Variants in SBNO2 observed in about 807,000 individuals in gnomAD.
SBNO2 encodes protein strawberry notch homolog 2.
In SBNO2, 89 loss-of-function variants were observed where a neutral mutation model predicts 146.3. The ratio of observed to expected loss-of-function variants is 0.61; its 90% CI spans 0.51 to 0.73. The LOEUF is 0.73. Among genes scored for constraint, SBNO2 ranks in the 30% least tolerant of loss-of-function variants. The pLI, the probability that SBNO2 is intolerant of heterozygous loss-of-function variation, is 0.00. For missense variants in SBNO2, 2,092 were observed against 2,003.7 expected (o/e 1.04, Z -0.84); for synonymous variants, 1,147 against 892.6 (o/e 1.29, Z -5.08).
chr19:1,125,754 A>G (rs2079958275), intron 5 of SBNO2, among the ~76,000 whole-genome samples: 1 of 152,114 alleles, frequency 6.6e-6, no homozygotes, highest in South Asian at 2.1e-4. Flanking sequence ...TGTGGGAGGC[A>G]GAGGCAGAAC....
rs2080127769 is a variant in SBNO2, at chr19:1,140,744, G to C, written c.279+6565C>G. ...CCCGCAGGCAGCTCCCACGGGCAGAGGCTGCTGACCCCGCCTTGGGCAGGA... is the reference window on the plus strand; with the variant it reads ...CCCGCAGGCAGCTCCCACGGGCAGACGCTGCTGACCCCGCCTTGGGCAGGA... On this transcript the variant is annotated intron_variant, in intron 4 of 31. Coordinates refer to ENST00000361757, the MANE Select transcript of SBNO2 (RefSeq NM_014963.3). This position sits in a 1 kb window ranked among gnomAD's most constrained non-coding sequence, Gnocchi z 4.4. Among the ~76,000 whole-genome samples the C allele has an allele frequency of 6.6e-6, 1 of 152,322 alleles. No individual in the cohort carries two copies.
rs753476181 is a variant in SBNO2, at chr19:1,110,791, G to A, written c.2982C>T (p.Leu994=). ...TGCCCTCCCGCTTGTCCATCTCGAT[G>A]AGGTGGTCGAAGGTGTCTGAGAAGT... ...FQYFSDTFDH[L]IEMDKREGKY... The change falls in exon 26 of 32, where the codon CTC becomes CTT. Residue 994 remains leucine (L), a synonymous_variant. Transcript: ENST00000361757. This position sits in a 1 kb window ranked among gnomAD's most constrained non-coding sequence, Gnocchi z 4.9. 6.2e-7 allele frequency: 1 copy of A among 1,613,666 alleles called. No homozygotes were observed. Among genetic ancestry groups the A allele is most frequent in the Non-Finnish European group, 8.5e-7 (1 of 1,179,764 alleles).
At chr19:1,138,736 C>T (rs1040657994) in intron 4 of SBNO2, among the ~76,000 whole-genome samples, 1 of 148,860 alleles carries the variant, frequency 6.7e-6, no homozygotes, top group African/African-American at 2.5e-5. Context: ...TCCACGCCTC[C>T]ATCACAGACA....
chr19:1,142,877 G>C (rs914744284), intron 4 of SBNO2, among the ~76,000 whole-genome samples: 1 of 152,168 alleles, frequency 6.6e-6, no homozygotes, highest in African/African-American at 2.4e-5. Context: ...TGAGGCAGGA[G>C]AATCGCTTGA....
At position 1,109,956 on chromosome 19, in the gene SBNO2, G is replaced by A. The variant is rs1020566683; in HGVS notation, c.3029-179C>T. Reference sequence around the variant, plus strand: ...GGATGGTGCACGTGGGCCCCAACCTGGCAACCGCTCAGGTCCTAGGTAACC... The same window carrying A: ...GGATGGTGCACGTGGGCCCCAACCTAGCAACCGCTCAGGTCCTAGGTAACC... On this transcript the variant is annotated intron_variant, in intron 26 of 31. Transcript: ENST00000361757. This position sits in a 1 kb window ranked among gnomAD's most constrained non-coding sequence, Gnocchi z 4.2. Among the ~76,000 whole-genome samples, 1 of 152,000 alleles carries A rather than the reference G, an allele frequency of 6.6e-6. No individual in the cohort carries two copies. Among genetic ancestry groups the A allele is most frequent in the African/African-American group, 2.4e-5 (1 of 41,376 alleles).
intron 13 of SBNO2, 30 bp downstream of exon 13, chr19:1,119,486 C>A (rs770068549): frequency 8.1e-6 from 12 of 1,482,372 alleles, no homozygotes; most frequent in Non-Finnish European, 1.1e-5. Context: ...CCCCCCGCCG[C>A]CCCTCCACGT....
chr19:1,145,529 G>C (rs2080181949), intron 4 of SBNO2, among the ~76,000 whole-genome samples: 1 of 151,918 alleles, frequency 6.6e-6, no homozygotes, highest in Non-Finnish European at 1.5e-5. Context: ...CACAGAAAGA[G>C]GCAGAGAAGG....
chr19:1,157,196 G>A lies in SBNO2; in HGVS notation c.-126-2794C>T, dbSNP rs2080298881. 6.6e-6 allele frequency among the ~76,000 whole-genome samples: 1 copy of A among 151,902 alleles called. No individual in the cohort carries two copies. The highest frequency in any genetic ancestry group is 1.5e-5 in the Non-Finnish European group (1 of 67,976). ...TCCGGACCCTTCCCCCATTGACTCC[G>A]CCGCCGTTTCTTGCAGCAGCTGTGA... On this transcript the variant is annotated intron_variant, in intron 1 of 31. Coordinates refer to ENST00000361757, the MANE Select transcript of SBNO2 (RefSeq NM_014963.3). This position sits in a 1 kb window ranked among gnomAD's most constrained non-coding sequence, Gnocchi z 6.8.
chr19:1,159,698 G>T (rs1484041519), intron 1 of SBNO2, among the ~76,000 whole-genome samples: 2 of 88,070 alleles, frequency 2.3e-5, no homozygotes, highest in Non-Finnish European at 4.7e-5. Flanking sequence ...GGGGGGCAGC[G>T]GCGGATGGGA....
At chr19:1,143,944 C>T (rs1410663078) in intron 4 of SBNO2, among the ~76,000 whole-genome samples, 1 of 152,206 alleles carries the variant, frequency 6.6e-6, no homozygotes, top group African/African-American at 2.4e-5. Flanking sequence ...AGGACGGGGA[C>T]GTCTTGGAGG....
Position 1,149,360 on chromosome 19 carries a change from G to C in SBNO2, c.167+9C>G, listed in dbSNP as rs1193014878. 16 of 1,550,806 alleles carry C rather than the reference G, an allele frequency of 1.0e-5. No individual in the cohort carries two copies. The Admixed American group carries it at 1.2e-4, about 11-fold the overall frequency. On this transcript the variant is annotated intron_variant, in intron 3 of 31. Coordinates refer to ENST00000361757, the MANE Select transcript of SBNO2 (RefSeq NM_014963.3). ...CTGGGGGCCAGGCGGGGAGGGTCCC[G>C]GTACTCACCGGCTGTCGCTGGAGAA...
chr19:1,152,980 T>A (rs777282566), intron 2 of SBNO2, among the ~76,000 whole-genome samples: 1 of 151,664 alleles, frequency 6.6e-6, no homozygotes, highest in Non-Finnish European at 1.5e-5. Flanking sequence ...GGGCAAAACC[T>A]CATCTCTACG....
In SBNO2 at chr19:1,156,220, A is replaced by C. The variant is rs537562987; in HGVS notation, c.-126-1818T>G. On this transcript the variant is annotated intron_variant, in intron 1 of 31. Transcript: ENST00000361757. Reference sequence around the variant, plus strand: ...CCTCCCTACGGTCTCTGAGCCCCCCACGTCTGTGGACGCCCCTTCCAGGCG... The same window carrying C: ...CCTCCCTACGGTCTCTGAGCCCCCCCCGTCTGTGGACGCCCCTTCCAGGCG... 8.9e-4 allele frequency among the ~76,000 whole-genome samples: 136 copies of C among 152,126 alleles called. 1 individual carries two copies. The highest frequency in any genetic ancestry group is 1.6e-3 in the Non-Finnish European group (111 of 67,952).
At position 1,112,332 on chromosome 19, in the gene SBNO2, C is replaced by A. The variant is rs1417042071; in HGVS notation, c.2516-31G>T. 4.4e-5 allele frequency: 69 copies of A among 1,568,740 alleles called. No homozygotes were observed. The highest frequency in any genetic ancestry group is 5.8e-5 in the Non-Finnish European group (67 of 1,159,190). ...GGCAGAGCTGCTCTCAGGGCCCGGC[C>A]AGGCGGGGGCGGGGCCGAGACCATG... On this transcript the variant is annotated intron_variant, in intron 21 of 31. Coordinates refer to ENST00000361757, the MANE Select transcript of SBNO2 (RefSeq NM_014963.3). The surrounding 1 kb of genome is among the most constrained non-coding windows in gnomAD (Gnocchi z 5.9).
In SBNO2 at chr19:1,109,909, G is replaced by T; in HGVS notation, c.3029-132C>A. The T allele has an allele frequency of 4.6e-6, 3 of 657,322 alleles. No individual in the cohort carries two copies. Among genetic ancestry groups the T allele is most frequent in the Non-Finnish European group, 7.8e-6 (3 of 386,090 alleles). 40.7% of individuals were successfully genotyped at this position (657,322 alleles called of 1,614,324 possible). On this transcript the variant is annotated intron_variant, in intron 26 of 31. Transcript: ENST00000361757. This position sits in a 1 kb window ranked among gnomAD's most constrained non-coding sequence, Gnocchi z 4.2. ...CACAGGAGAGGGTGTCCTGGATCCT[G>T]GCCTGACCTGGCCCAGCGTGGGGAT...
intron 2 of SBNO2, 41 bp from the exon 3 acceptor site, chr19:1,149,483 A>T: frequency 6.5e-7 from 1 of 1,530,518 alleles, no homozygotes; most frequent in South Asian, 1.2e-5. Flanking sequence ...GAAGCAGAGG[A>T]CCTGCGGTGC....
At chr19:1,128,344 GA>G in intron 4 of SBNO2, 4 of 361,774 alleles carry the variant, frequency 1.1e-5, no homozygotes, top group South Asian at 8.1e-5. Flanking sequence ...TCGCCATGGG[GA>G]TGACACACAC....
chr19:1,162,148 T>C (rs946418361), intron 1 of SBNO2, among the ~76,000 whole-genome samples: 64 of 115,180 alleles, frequency 5.6e-4, no homozygotes, highest in African/African-American at 2.1e-3. Context: ...TCTTTTAAAG[T>C]TAAGGTTTTA....
At chr19:1,146,156 T>C (rs11880000) in intron 4 of SBNO2, among the ~76,000 whole-genome samples, 11,355 of 152,210 alleles carry the variant, frequency 0.075, 1,359 homozygotes, top group African/African-American at 0.26. Context: ...CTACCTCATC[T>C]CATCTTGATC....
Sources: gnomAD v4.1 joint callset for allele counts (sites outside exome capture counted in the v4.1 genomes callset) on GRCh38, gnomAD v4.1.1 for gene constraint, Gnocchi (gnomAD v3.1) non-coding constraint, MANE v1.5 for transcripts, NCBI Gene and HGNC (gene_info 2026-07-23, HGNC 2026-07-21) for gene names.